JARID2: variants seen among roughly 807,000 people sequenced by gnomAD.
The protein encoded by JARID2 is jumonji and AT-rich interaction domain containing 2, also known as protein Jumonji.
In JARID2, 21 loss-of-function variants were observed where a neutral mutation model predicts 125.6. That is an observed-to-expected ratio of 0.17 (90% CI 0.12 to 0.24). JARID2 has a LOEUF of 0.24. JARID2 is among the 10% of genes least tolerant of loss of function. The pLI is 1.00. For synonymous variants in JARID2, 736 were observed against 661.6 expected (o/e 1.11, Z -1.73); for missense variants, 1,303 against 1,639.6 (o/e 0.79, Z 3.55).
chr6:15,475,275 G>GCAAT (rs1043078021), intron 5 of JARID2, among the ~76,000 whole-genome samples: 1 of 152,214 alleles, frequency 6.6e-6, no homozygotes, highest in African/African-American at 2.4e-5. Context: ...CAATAAAAAG[G>GCAAT]CAATCAGGCA....
intron 1 of JARID2, among the ~76,000 whole-genome samples, chr6:15,351,220 G>A (rs925236004): frequency 6.6e-6 from 1 of 152,146 alleles, no homozygotes; most frequent in African/African-American, 2.4e-5. Flanking sequence ...GCATTTCTGA[G>A]TAATACCAAC....
At chr6:15,248,572 C>G (rs1420034980) in intron 1 of JARID2, 1 of 151,222 alleles carries the variant, frequency 6.6e-6, no homozygotes, top group African/African-American at 2.4e-5. Flanking sequence ...TGCCTGCGGG[C>G]TCCGACGCAG....
At chr6:15,457,374 G>A (rs185572309) in intron 4 of JARID2, among the ~76,000 whole-genome samples, 21 of 152,048 alleles carry the variant, frequency 1.4e-4, no homozygotes, top group African/African-American at 4.6e-4. Flanking sequence ...TTCTTTTTTC[G>A]TGCTGATTCC....
rs2049952 is a variant in JARID2, at chr6:15,480,469, C to A, written c.671-6838C>A. Reference sequence around the variant, plus strand: ...ATCTAATAATACACATCAGGATTCCCTCTTGTGTTTGGATGAGGTGCCTTT... The same window carrying A: ...ATCTAATAATACACATCAGGATTCCATCTTGTGTTTGGATGAGGTGCCTTT... On this transcript the variant is annotated intron_variant, in intron 5 of 17. Coordinates refer to ENST00000341776, the MANE Select transcript of JARID2 (RefSeq NM_004973.4). Among the ~76,000 whole-genome samples the A allele has an allele frequency of 1.1e-4, 16 of 152,098 alleles. No homozygotes were observed. In the South Asian group the frequency reaches 2.7e-3, roughly 26 times the overall value.
chr6:15,371,318 A>G (rs1170107424), intron 1 of JARID2, among the ~76,000 whole-genome samples: 2 of 152,212 alleles, frequency 1.3e-5, no homozygotes, highest in Admixed American at 6.5e-5. Flanking sequence ...ATTGAAAGCT[A>G]TTTTGGGGCC....
chr6:15,347,937 A>G (rs1763296229), intron 1 of JARID2, among the ~76,000 whole-genome samples: 1 of 152,042 alleles, frequency 6.6e-6, no homozygotes, highest in African/African-American at 2.4e-5. Context: ...ATGTTTTTGT[A>G]TTGATGCTGT....
chr6:15,473,047 C>T (rs1769153037), intron 5 of JARID2, among the ~76,000 whole-genome samples: 2 of 31,110 alleles, frequency 6.4e-5, no homozygotes, highest in South Asian at 7.9e-4. Context: ...AATGTGAATA[C>T]CCGTGTTAGG....
At chr6:15,439,726 G>A (rs546330317) in intron 3 of JARID2, among the ~76,000 whole-genome samples, 2 of 152,180 alleles carry the variant, frequency 1.3e-5, no homozygotes, top group East Asian at 3.9e-4. Context: ...ACTGAGTGGG[G>A]ATCAGAAATT....
At chr6:15,411,003 G>T (rs1765852956) in intron 3 of JARID2, among the ~76,000 whole-genome samples, 1 of 152,156 alleles carries the variant, frequency 6.6e-6, no homozygotes, top group African/African-American at 2.4e-5. Flanking sequence ...TTATAATAAT[G>T]ATTTTACTTG....
chr6:15,418,216 CTTTTT>C (rs56801667), intron 3 of JARID2, among the ~76,000 whole-genome samples: 2 of 117,796 alleles, frequency 1.7e-5, no homozygotes, highest in Admixed American at 9.0e-5. Flanking sequence ...CTATATTCCT[CTTTTT>C]TTTTTTTTTT....
intron 4 of JARID2, among the ~76,000 whole-genome samples, chr6:15,464,272 G>A (rs1451447266): frequency 1.3e-5 from 2 of 152,204 alleles, no homozygotes; most frequent in Non-Finnish European, 2.9e-5. Flanking sequence ...CATTCCAGCA[G>A]AATTCTTAGA....
At chr6:15,415,827 C>CCCCCACCT (rs543828488) in intron 3 of JARID2, among the ~76,000 whole-genome samples, 49,083 of 135,168 alleles carry the variant, frequency 0.36, 9,232 homozygotes, top group Admixed American at 0.45. Context: ...GGGGCTGACC[C>CCCCCACCT]CCCCACCTCC....
intron 3 of JARID2, among the ~76,000 whole-genome samples, chr6:15,446,767 A>G (rs997678349): frequency 3.3e-5 from 5 of 152,232 alleles, no homozygotes; most frequent in African/African-American, 9.6e-5. Context: ...ATGAGGGACC[A>G]TGGAGCTCCT....
intron 1 of JARID2, among the ~76,000 whole-genome samples, chr6:15,355,868 C>T (rs1475056057): frequency 6.6e-6 from 1 of 152,256 alleles, no homozygotes; most frequent in Non-Finnish European, 1.5e-5. Flanking sequence ...ACCTTGACTT[C>T]CCCAAGTGCT....
chr6:15,511,040 T>G (rs902136077), intron 12 of JARID2, among the ~76,000 whole-genome samples: 3 of 152,188 alleles, frequency 2.0e-5, no homozygotes, highest in African/African-American at 7.2e-5. Context: ...GTGGGTCAGA[T>G]CTCCATAAAA....
At chr6:15,487,216 T>A in intron 5 of JARID2, 91 bp from the exon 6 acceptor site, 1 of 1,022,994 alleles carries the variant, frequency 9.8e-7, no homozygotes, top group Non-Finnish European at 1.5e-6. Context: ...ACATGAGATT[T>A]GGGTGGGGAC....
intron 5 of JARID2, among the ~76,000 whole-genome samples, chr6:15,478,562 A>G (rs927893411): frequency 2.6e-5 from 4 of 152,106 alleles, no homozygotes; most frequent in African/African-American, 9.7e-5. Context: ...CTCGGTGTGT[A>G]GTAAACAGTT....
intron 1 of JARID2, among the ~76,000 whole-genome samples, chr6:15,306,928 T>G (rs539248526): frequency 1.8e-4 from 26 of 148,114 alleles, no homozygotes; most frequent in Admixed American, 1.6e-3. Context: ...TTAATGTATA[T>G]TATATATATA....
intron 1 of JARID2, chr6:15,247,873 A>G: frequency 1.3e-5 from 13 of 985,420 alleles, no homozygotes; most frequent in Non-Finnish European, 1.6e-5. Context: ...GGCTGGGTAG[A>G]ATGCAAAGGA....
Sources: gnomAD v4.1 joint callset for allele counts (sites outside exome capture counted in the v4.1 genomes callset) on GRCh38, gnomAD v4.1.1 for gene constraint, MANE v1.5 for transcripts, NCBI Gene and HGNC (gene_info 2026-07-23, HGNC 2026-07-21) for gene names.